Variants in VTA1 observed in about 807,000 individuals in gnomAD.
The protein encoded by VTA1 is vacuolar protein sorting-associated protein VTA1 homolog.
VTA1 carries 24 observed loss-of-function variants against 36.9 expected under a neutral mutation model. That is an observed-to-expected ratio of 0.65 (90% CI 0.47 to 0.91). The LOEUF (loss-of-function observed/expected upper bound fraction) is 0.91. Ranked by LOEUF, VTA1 falls within the 40% of genes least tolerant of loss-of-function variation. The pLI, the probability that VTA1 is intolerant of heterozygous loss-of-function variation, is 0.00. For synonymous variants in VTA1, 142 were observed against 130.2 expected, an observed-to-expected ratio of 1.09 and a Z score of -0.62; for missense variants, 393 against 377.2, an observed-to-expected ratio of 1.04 and a Z score of -0.35.
intron 4 of VTA1, among the ~76,000 whole-genome samples, chr6:142,187,408 A>G (rs545115352): frequency 6.6e-6 from 1 of 152,318 alleles, no homozygotes; most frequent in South Asian, 2.1e-4. Context: ...TAGGCAGTTG[A>G]TATTAGCAAG....
intron 1 of VTA1, among the ~76,000 whole-genome samples, chr6:142,163,743 A>T (rs1774858169): frequency 6.6e-6 from 1 of 152,124 alleles, no homozygotes; most frequent in South Asian, 2.1e-4. Context: ...ATAGTTCATA[A>T]TTGAGAGGAG....
chr6:142,156,569 C>G (rs1187649980), intron 1 of VTA1, among the ~76,000 whole-genome samples: 1 of 152,174 alleles, frequency 6.6e-6, no homozygotes, highest in African/African-American at 2.4e-5. Flanking sequence ...GAACTTTCCC[C>G]TTCCTTTTTC....
intron 7 of VTA1, among the ~76,000 whole-genome samples, chr6:142,216,110 A>G (rs751026282): frequency 2.0e-5 from 3 of 152,110 alleles, no homozygotes; most frequent in Non-Finnish European, 4.4e-5. Flanking sequence ...TATGGCCTCT[A>G]GTAAATTTTA....
rs1776112618 is a variant in VTA1 at position 142,221,670 on chromosome 6, T to C, written c.*3027T>C. 1 of 151,694 alleles carries C rather than the reference T, an allele frequency of 6.6e-6. No individual in the cohort carries two copies. Among genetic ancestry groups the C allele is most frequent in the Admixed American group, 6.6e-5 (1 of 15,212 alleles). 9.4% of individuals were successfully genotyped at this position (151,694 alleles called of 1,614,324 possible). A position where few individuals can be genotyped will look rare whatever the true frequency, so the allele number is the denominator to read the frequency against. Reference sequence around the variant, plus strand: ...GACCAGTTAAAAAGAGTATTAACAATAGGCCGGGGGCGGTGGTTCGCACCT... The same window carrying C: ...GACCAGTTAAAAAGAGTATTAACAACAGGCCGGGGGCGGTGGTTCGCACCT... On this transcript the variant is annotated 3_prime_UTR_variant, in exon 8 of 8. Coordinates refer to ENST00000367630, the MANE Select transcript of VTA1 (RefSeq NM_016485.5).
chr6:142,206,524 C>G (rs560387322), intron 7 of VTA1, among the ~76,000 whole-genome samples: 1 of 152,150 alleles, frequency 6.6e-6, no homozygotes, highest in African/African-American at 2.4e-5. Flanking sequence ...TTCTTCCCAG[C>G]TTGGTCTATA....
chr6:142,216,480 T>C (rs1444305627), intron 7 of VTA1, among the ~76,000 whole-genome samples: 1 of 152,174 alleles, frequency 6.6e-6, no homozygotes, highest in Non-Finnish European at 1.5e-5. Flanking sequence ...GTTTATAAGT[T>C]ACATTTTGGA....
rs753996612 is a variant in VTA1, at chr6:142,181,116, T to TATACAC, written c.412-8309_412-8308insTACACA. 2.1e-3 allele frequency among the ~76,000 whole-genome samples: 182 copies of TATACAC among 87,044 alleles called. 3 individuals carry two copies. In the East Asian group the frequency reaches 0.024, roughly 11 times the overall value. The allele number at this position is 87,044 out of a possible 152,430, so 57.1% of individuals were successfully genotyped here. A position where few individuals can be genotyped will look rare whatever the true frequency, so the allele number is the denominator to read the frequency against. ...AAAAATATATATATATATATATATA[T>TATACAC]ACACACACACACACAGACACACTTT... On this transcript the variant is annotated intron_variant, in intron 4 of 7. Transcript: ENST00000367630.
intron 6 of VTA1, among the ~76,000 whole-genome samples, chr6:142,203,727 A>C (rs1341086714): frequency 6.6e-6 from 1 of 152,176 alleles, no homozygotes; most frequent in Non-Finnish European, 1.5e-5. Flanking sequence ...TGCTACTTCT[A>C]CAGATATTTG....
intron 5 of VTA1, 69 bp from the exon 6 acceptor site, chr6:142,198,370 G>T (rs746737721): frequency 9.8e-5 from 142 of 1,454,838 alleles, no homozygotes; most frequent in Non-Finnish European, 1.3e-4. Flanking sequence ...TGTGTATAAT[G>T]AAATAAGAAT....
intron 7 of VTA1, among the ~76,000 whole-genome samples, chr6:142,205,739 A>T (rs1242746365): frequency 1.3e-5 from 2 of 152,274 alleles, no homozygotes; most frequent in East Asian, 3.9e-4. Flanking sequence ...TTCATTTAAT[A>T]TATAGAATAG....
intron 5 of VTA1, among the ~76,000 whole-genome samples, chr6:142,189,952 T>C (rs146389592): frequency 0.026 from 3,931 of 152,180 alleles, 71 homozygotes; most frequent in Non-Finnish European, 0.042. Context: ...AGAGACGGGG[T>C]TTCACTGTGT....
chr6:142,156,687 T>A lies in VTA1; in HGVS notation c.112+9288T>A, dbSNP rs943657120. Among the ~76,000 whole-genome samples the A allele has an allele frequency of 3.3e-5, 5 of 152,154 alleles. No individual in the cohort carries two copies. The East Asian group carries it at 7.7e-4, about 23-fold the overall frequency. On this transcript the variant is annotated intron_variant, in intron 1 of 7. Coordinates refer to ENST00000367630, the MANE Select transcript of VTA1 (RefSeq NM_016485.5). ...ACTTCCAGTTAAAGTATACACACAG[T>A]CTCAAGAGTCTTCATTTGTTGATAT...
At position 142,181,609 on chromosome 6, in the gene VTA1, A is replaced by T. The variant is rs1300964236; in HGVS notation, c.412-7817A>T. On this transcript the variant is annotated intron_variant, in intron 4 of 7. Coordinates refer to ENST00000367630, the MANE Select transcript of VTA1 (RefSeq NM_016485.5). ...TTTCTGTAAATTTGATGAAAACTAT[A>T]TTTTTTTTTCAAAAAATAATTAACA... 2.7e-5 allele frequency among the ~76,000 whole-genome samples: 4 copies of T among 150,302 alleles called. No individual in the cohort carries two copies. The South Asian group carries it at 6.3e-4, about 24-fold the overall frequency.
intron 4 of VTA1, among the ~76,000 whole-genome samples, chr6:142,187,912 CTTTTTTT>C (rs58131768): frequency 2.5e-5 from 3 of 120,726 alleles, no homozygotes; most frequent in Non-Finnish European, 3.4e-5. Flanking sequence ...TACTTTCTTT[CTTTTTTT>C]TTTTTTTTTT....
chr6:142,191,221 A>C (rs545981311), intron 5 of VTA1, among the ~76,000 whole-genome samples: 1 of 152,174 alleles, frequency 6.6e-6, no homozygotes, highest in South Asian at 2.1e-4. Flanking sequence ...GGAACAGTGG[A>C]ATTATCTGGT....
chr6:142,204,076 T>C lies in VTA1; in HGVS notation c.778+11T>C. 6.2e-7 allele frequency: 1 copy of C among 1,611,546 alleles called. No homozygotes were observed. The highest frequency in any genetic ancestry group is 8.5e-7 in the Non-Finnish European group (1 of 1,177,962). ...ATACAATTTCCCAGGGTAAGTCAGC[T>C]GACTATTTTGTGAGATACATTTATC... On this transcript the variant is annotated intron_variant, in intron 7 of 7. Transcript: ENST00000367630.
chr6:142,215,049 A>G (rs1211562999), intron 7 of VTA1, among the ~76,000 whole-genome samples: 1 of 152,184 alleles, frequency 6.6e-6, no homozygotes, highest in Non-Finnish European at 1.5e-5. Flanking sequence ...GGAGAATGGA[A>G]TTGGATAGGT....
At chr6:142,162,671 G>C (rs1774833301) in intron 1 of VTA1, among the ~76,000 whole-genome samples, 1 of 152,130 alleles carries the variant, frequency 6.6e-6, no homozygotes, top group Admixed American at 6.6e-5. Context: ...AGAGAAAGAA[G>C]ATAGTTGGGT....
At chr6:142,160,811 A>G (rs969197962) in intron 1 of VTA1, among the ~76,000 whole-genome samples, 17 of 152,256 alleles carry the variant, frequency 1.1e-4, no homozygotes, top group African/African-American at 4.1e-4. Context: ...TTCTCATTTT[A>G]ATAATCAAAT....
Sources: allele counts gnomAD v4.1 joint callset (sites outside exome capture counted in the v4.1 genomes callset), GRCh38; gene constraint gnomAD v4.1.1; transcripts MANE v1.5; gene names NCBI Gene and HGNC (gene_info 2026-07-23, HGNC 2026-07-21).